The following CLUL1 variants were observed in gnomAD, a reference collection of about 807,000 sequenced individuals.
The protein encoded by CLUL1 is clusterin like 1.
A neutral mutation model predicts 49.4 loss-of-function variants in CLUL1; 43 were observed. That is an observed-to-expected ratio of 0.87 (90% CI 0.68 to 1.12). CLUL1 has a LOEUF of 1.12. Ranked by LOEUF, CLUL1 falls within the 50% of genes most tolerant of loss-of-function variation. CLUL1 has a pLI of 0.00. For missense variants in CLUL1, 486 were observed against 544.4 expected (o/e 0.89, Z 1.07); for synonymous variants, 192 against 184.9 (o/e 1.04, Z -0.31).
chr18:635,797 C>A (rs367663557), intron 7 of CLUL1, among the ~76,000 whole-genome samples: 1 of 152,134 alleles, frequency 6.6e-6, no homozygotes, highest in Non-Finnish European at 1.5e-5. Flanking sequence ...AGTGCAGTGG[C>A]GCGATCTTCG....
chr18:647,201 G>C (rs1238756490), intron 9 of CLUL1, among the ~76,000 whole-genome samples: 8 of 151,740 alleles, frequency 5.3e-5, no homozygotes, highest in African/African-American at 1.9e-4. Flanking sequence ...AGAGCATCTA[G>C]GTACTGAGGG....
rs1378942512 is a variant in CLUL1, at chr18:606,904, T to G, written c.-135-74T>G. On this transcript the variant is annotated intron_variant, in intron 1 of 9. Coordinates refer to ENST00000692774, the MANE Select transcript of CLUL1 (RefSeq NM_001393344.1). The surrounding 1 kb of genome is among the most constrained non-coding windows in gnomAD (Gnocchi z 4.1). Reference sequence around the variant, plus strand: ...ACCCTCAGTGCTCACTACTTTGCAGTGTTCATAGAATATTTGTAATAATTT... The same window carrying G: ...ACCCTCAGTGCTCACTACTTTGCAGGGTTCATAGAATATTTGTAATAATTT... The G allele has an allele frequency of 1.0e-5, 6 of 572,356 alleles. No homozygotes were observed. Among genetic ancestry groups the G allele is most frequent in the Non-Finnish European group, 1.9e-5 (6 of 322,388 alleles). The allele number at this position is 572,356 out of a possible 1,614,324, so 35.5% of individuals were successfully genotyped here.
In CLUL1 at chr18:633,294, G is replaced by GTAGCT. The variant is rs1262175862; in HGVS notation, c.857-3_858dup. 1 of 1,610,256 alleles carries GTAGCT rather than the reference G, an allele frequency of 6.2e-7. No individual in the cohort carries two copies. The highest frequency in any genetic ancestry group is 1.3e-5 in the African/African-American group (1 of 74,770). ...CTAACGTGTAAATGTTATGTTCCCT[G>GTAGCT]TAGCTCCTGACCACGGAGGCCTGAT... On this transcript the variant is annotated splice_polypyrimidine_tract_variant and splice_region_variant and intron_variant, in intron 6 of 9. Coordinates refer to ENST00000692774, the MANE Select transcript of CLUL1 (RefSeq NM_001393344.1).
intron 7 of CLUL1, among the ~76,000 whole-genome samples, chr18:638,346 A>G (rs1202583819): frequency 1.3e-5 from 2 of 152,206 alleles, no homozygotes; most frequent in Admixed American, 1.3e-4. Flanking sequence ...ATAATCCTTG[A>G]ATGTCACAAG....
At chr18:620,959 TG>T (rs1354021577) in intron 4 of CLUL1, among the ~76,000 whole-genome samples, 3 of 152,250 alleles carry the variant, frequency 2.0e-5, no homozygotes, top group Admixed American at 2.0e-4. Flanking sequence ...TCAATTTTAA[TG>T]TTGAGAGTAA....
chr18:620,091 T>G (rs1045400316), intron 4 of CLUL1, among the ~76,000 whole-genome samples: 1 of 152,202 alleles, frequency 6.6e-6, no homozygotes, highest in Non-Finnish European at 1.5e-5. Context: ...CATTTACTTA[T>G]GAATTAGATA....
intron 2 of CLUL1, among the ~76,000 whole-genome samples, chr18:610,991 T>G (rs941505993): frequency 2.0e-5 from 3 of 152,216 alleles, no homozygotes; most frequent in African/African-American, 7.2e-5. Context: ...CCTGGAATTC[T>G]GAGGCTCCTG....
chr18:640,329 G>A (rs1379195350), intron 7 of CLUL1, among the ~76,000 whole-genome samples: 1 of 151,954 alleles, frequency 6.6e-6, no homozygotes, highest in Non-Finnish European at 1.5e-5. Context: ...AATACCACTT[G>A]AGCCCAGGAG....
At chr18:645,846 T>A (rs2074488999) in intron 9 of CLUL1, among the ~76,000 whole-genome samples, 5 of 119,334 alleles carry the variant, frequency 4.2e-5, no homozygotes, top group East Asian at 2.5e-4. Context: ...TATATATATA[T>A]ATATATGTTA....
At chr18:617,698 CTG>C (rs2073340141) in intron 2 of CLUL1, among the ~76,000 whole-genome samples, 1 of 151,816 alleles carries the variant, frequency 6.6e-6, no homozygotes, top group African/African-American at 2.4e-5. Context: ...AGCTTGGACT[CTG>C]AGAGGATGTG....
intron 9 of CLUL1, among the ~76,000 whole-genome samples, chr18:645,569 G>A (rs2074448440): frequency 6.6e-6 from 1 of 151,470 alleles, no homozygotes; most frequent in Non-Finnish European, 1.5e-5. Context: ...GCTGAGGCGG[G>A]CGGATCACGA....
intron 2 of CLUL1, chr18:614,369 AAAAAGAAGAG>A (rs2073233289): frequency 6.6e-6 from 1 of 152,000 alleles, no homozygotes; most frequent in African/African-American, 2.4e-5. Flanking sequence ...GGAAGGAAGG[AAAAAGAAGAG>A]AGGAAGGAAA....
intron 2 of CLUL1, among the ~76,000 whole-genome samples, chr18:614,304 A>T (rs965383436): frequency 7.3e-5 from 10 of 137,778 alleles, no homozygotes; most frequent in African/African-American, 2.7e-4. Flanking sequence ...GAAGGAAGGG[A>T]GGAAGGAAGG....
At chr18:646,560 A>G (rs1196380992) in intron 9 of CLUL1, among the ~76,000 whole-genome samples, 1 of 151,608 alleles carries the variant, frequency 6.6e-6, no homozygotes, top group Non-Finnish European at 1.5e-5. Flanking sequence ...GGCAAGATTT[A>G]GAGAGTGCAC....
intron 2 of CLUL1, chr18:616,841 G>A (rs1214784655): frequency 1.3e-5 from 3 of 224,776 alleles, no homozygotes; most frequent in Non-Finnish European, 2.2e-5. Flanking sequence ...AATGATGTAT[G>A]TAAAATGTGA....
At chr18:633,187 A>G (rs2074035931) in intron 6 of CLUL1, 111 bp from the exon 7 acceptor site, 3 of 818,676 alleles carry the variant, frequency 3.7e-6, no homozygotes, top group East Asian at 2.6e-5. Flanking sequence ...ATACATACAT[A>G]TAGGAAAAAG....
At chr18:605,937 T>C (rs1325020016) in intron 1 of CLUL1, among the ~76,000 whole-genome samples, 2 of 152,184 alleles carry the variant, frequency 1.3e-5, no homozygotes, top group East Asian at 3.9e-4. Flanking sequence ...AGTGCTGGGA[T>C]TGCAGGCGTG....
chr18:621,911 A>T (rs1390693685), intron 4 of CLUL1, among the ~76,000 whole-genome samples: 2 of 152,186 alleles, frequency 1.3e-5, no homozygotes, highest in Non-Finnish European at 2.9e-5. Context: ...TGTGGATTTC[A>T]CTTCTGGCCC....
At chr18:635,282 A>T in intron 7 of CLUL1, among the ~76,000 whole-genome samples, 1 of 152,112 alleles carries the variant, frequency 6.6e-6, no homozygotes, top group South Asian at 2.1e-4. Context: ...TATTCTCCTA[A>T]GGAGCGCTCA....
Sources: gnomAD v4.1 joint callset for allele counts (sites outside exome capture counted in the v4.1 genomes callset) on GRCh38, gnomAD v4.1.1 for gene constraint, Gnocchi (gnomAD v3.1) non-coding constraint, MANE v1.5 for transcripts, NCBI Gene and HGNC (gene_info 2026-07-23, HGNC 2026-07-21) for gene names.